MTFR2: variants seen among roughly 807,000 people sequenced by gnomAD.
The protein encoded by MTFR2 is mitochondrial fission regulator 2, also known as DUF729 domain-containing protein 1.
Under a neutral mutation model 41.2 loss-of-function variants are expected in MTFR2, and 44 were observed. That is an observed-to-expected ratio of 1.07 (90% CI 0.84 to 1.37). The LOEUF is 1.37. Ranked by LOEUF, MTFR2 falls within the 40% of genes most tolerant of loss-of-function variation. The pLI is 0.00. For missense variants in MTFR2, 452 were observed against 459.5 expected (o/e 0.98, Z 0.15); for synonymous variants, 141 against 154.6 (o/e 0.91, Z 0.65).
chr6:136,232,459 G>A (rs182375551), intron 7 of MTFR2, among the ~76,000 whole-genome samples: 13 of 152,136 alleles, frequency 8.5e-5, no homozygotes, highest in Admixed American at 2.0e-4. Flanking sequence ...AGGTTTCACC[G>A]TGTTGGTCAG....
At chr6:136,247,591 C>T (rs761844715) in intron 2 of MTFR2, 13 of 454,202 alleles carry the variant, frequency 2.9e-5, no homozygotes, top group South Asian at 9.3e-5. Context: ...TTCCATCCTG[C>T]GGCCCCTTCA....
intron 2 of MTFR2, among the ~76,000 whole-genome samples, chr6:136,248,500 A>C (rs1780277042): frequency 6.6e-6 from 1 of 152,184 alleles, no homozygotes; most frequent in Non-Finnish European, 1.5e-5. Flanking sequence ...ACCATGTAAA[A>C]TGTGACTTTG....
chr6:136,240,184 T>A (rs937875906), intron 5 of MTFR2, among the ~76,000 whole-genome samples: 6 of 152,232 alleles, frequency 3.9e-5, no homozygotes, highest in Non-Finnish European at 7.3e-5. Flanking sequence ...CACAAATTGA[T>A]GTATTCACTG....
rs958782352 is a variant in MTFR2 at position 136,250,222 on chromosome 6, A to C, written c.-301T>G. The stretch of plus-strand genomic sequence containing the variant: ...CCTCACGCTCAGCCAGGGTAATGTT[A>C]TGGGAAGCGCGCCCCCGTCCTCCTG... On this transcript the variant is annotated 5_prime_UTR_variant, in exon 1 of 8. Transcript: ENST00000420702. 1.3e-5 allele frequency: 2 copies of C among 152,888 alleles called. No homozygotes were observed. Among genetic ancestry groups the C allele is most frequent in the Admixed American group, 1.3e-4 (2 of 15,280 alleles). 9.5% of individuals were successfully genotyped at this position (152,888 alleles called of 1,614,324 possible). A position where few individuals can be genotyped will look rare whatever the true frequency, so the allele number is the denominator to read the frequency against.
chr6:136,243,069 A>C, intron 3 of MTFR2, 96 bp from the exon 4 acceptor site: 1 of 688,376 alleles, frequency 1.5e-6, no homozygotes, highest in South Asian at 2.6e-5. Context: ...ATCCAAAAGA[A>C]AGAAAAATAA....
At chr6:136,248,876 A>C (rs1418097047) in intron 2 of MTFR2, 161 bp downstream of exon 2, 2 of 605,600 alleles carry the variant, frequency 3.3e-6, no homozygotes, top group Non-Finnish European at 5.6e-6. Context: ...TCCCTCTTCT[A>C]ACTCAAATCA....
chr6:136,244,643 T>C lies in MTFR2; in HGVS notation c.168+122A>G, dbSNP rs192921741. The C allele has an allele frequency of 5.2e-5, 35 of 668,786 alleles. No homozygotes were observed. The African/African-American group carries it at 6.6e-4, about 13-fold the overall frequency. 41.4% of individuals were successfully genotyped at this position (668,786 alleles called of 1,614,324 possible). On this transcript the variant is annotated intron_variant, in intron 3 of 7. Transcript: ENST00000420702. ...ATATGAAATGGCTTGTTCCCAAGGG[T>C]AAACTACAGGTTTTTGGCTTGCAGG...
At chr6:136,243,040 G>A in intron 3 of MTFR2, 67 bp from the exon 4 acceptor site, 4 of 967,802 alleles carry the variant, frequency 4.1e-6, no homozygotes, top group South Asian at 1.7e-5. Context: ...CATGCCCCAT[G>A]GTATTAAATT....
At position 136,242,914 on chromosome 6, in the gene MTFR2, A is replaced by G; in HGVS notation, c.228T>C (p.Phe76=). Residue 76 remains phenylalanine, a synonymous_variant, in exon 4 of 8, where the codon TTT becomes TTC. Coordinates refer to ENST00000420702, the MANE Select transcript of MTFR2 (RefSeq NM_001099286.3). The part of the protein sequence containing the change: ...SDNCGSMVPS[F]ADILYVANDE... The stretch of plus-strand genomic sequence containing the variant: ...CATTTGCCACATACAAAATATCAGC[A>G]AAAGATGGAACCATAGATCCACAAT... The G allele has an allele frequency of 6.2e-7, 1 of 1,613,426 alleles. No individual in the cohort carries two copies.
rs553490938 is a variant in MTFR2, at chr6:136,231,234, G to A, written c.*41C>T. ...TTTCTAAGAATAATTTATCATCCAG[G>A]AAGAAGTTTTGGAAGTTTAAAGCTC... On this transcript the variant is annotated 3_prime_UTR_variant, in exon 8 of 8. Coordinates refer to ENST00000420702, the MANE Select transcript of MTFR2 (RefSeq NM_001099286.3). 153 of 1,249,894 alleles carry A rather than the reference G, an allele frequency of 1.2e-4. 1 individual carries two copies. In the South Asian group the frequency reaches 1.9e-3, roughly 15 times the overall value. 77.4% of individuals were successfully genotyped at this position (1,249,894 alleles called of 1,614,324 possible).
chr6:136,247,257 A>T (rs960880991), intron 2 of MTFR2, among the ~76,000 whole-genome samples: 6 of 152,170 alleles, frequency 3.9e-5, no homozygotes, highest in African/African-American at 1.4e-4. Context: ...AGGCTGGGGC[A>T]GGAGAATCAC....
chr6:136,249,183 C>T, intron 1 of MTFR2, 30 bp from the exon 2 acceptor site: 5 of 1,133,766 alleles, frequency 4.4e-6, no homozygotes, highest in Non-Finnish European at 6.2e-6. Context: ...AAATGTTACT[C>T]TTGACAAATA....
At chr6:136,249,917 C>T (rs1319642716) in intron 1 of MTFR2, 59 bp downstream of exon 1, 1 of 152,190 alleles carries the variant, frequency 6.6e-6, no homozygotes, top group African/African-American at 2.4e-5. Context: ...GATCGCGTCC[C>T]TCGCTTTGGT....
At chr6:136,246,456 T>C (rs1488991476) in intron 2 of MTFR2, among the ~76,000 whole-genome samples, 1 of 152,128 alleles carries the variant, frequency 6.6e-6, no homozygotes, top group East Asian at 1.9e-4. Context: ...TTAATTTTTA[T>C]ATTTTTTATA....
At chr6:136,241,384 T>C in intron 5 of MTFR2, 60 bp downstream of exon 5, 1 of 1,314,098 alleles carries the variant, frequency 7.6e-7, no homozygotes, top group East Asian at 2.4e-5. Flanking sequence ...GCTGTACAGG[T>C]TGGTATAGGC....
At chr6:136,244,641 G>C (rs1780168166) in intron 3 of MTFR2, 124 bp downstream of exon 3, 1 of 665,668 alleles carries the variant, frequency 1.5e-6, no homozygotes, top group Non-Finnish European at 2.6e-6. Context: ...TGTTCCCAAG[G>C]GTAAACTACA....
chr6:136,242,779 AG>A lies in MTFR2; in HGVS notation c.281+81del, dbSNP rs1366996711. The A allele has an allele frequency of 4.9e-6, 5 of 1,025,880 alleles. No individual in the cohort carries two copies. The African/African-American group carries it at 8.1e-5, about 17-fold the overall frequency. The allele number at this position is 1,025,880 out of a possible 1,614,324, so 63.5% of individuals were successfully genotyped here. On this transcript the variant is annotated intron_variant, in intron 4 of 7. Coordinates refer to ENST00000420702, the MANE Select transcript of MTFR2 (RefSeq NM_001099286.3). ...AGTTTGAAGATAAACAAAACAAAAA[AG>A]CTCAATCAATCTTAACAAGCTTCGA...
chr6:136,236,336 A>ATG lies in MTFR2; in HGVS notation c.870-2839_870-2838dup, dbSNP rs1215208073. 5.3e-5 allele frequency among the ~76,000 whole-genome samples: 8 copies of ATG among 152,104 alleles called. No individual in the cohort carries two copies. The East Asian group carries it at 1.6e-3, about 30-fold the overall frequency. ...CAAAGGAAGAGCCTGGCCATGAATG[A>ATG]TGACACTTGGCTCCCAACAGCAAGA... On this transcript the variant is annotated intron_variant, in intron 6 of 7. Coordinates refer to ENST00000420702, the MANE Select transcript of MTFR2 (RefSeq NM_001099286.3).
In MTFR2 at chr6:136,239,835, G is replaced by C; in HGVS notation, c.515-15C>G. Reference sequence around the variant, plus strand: ...GCCAAAGGAACCTACAAACAAAGTGGTTTATTACAAAATCATGCACAATTA... The same window carrying C: ...GCCAAAGGAACCTACAAACAAAGTGCTTTATTACAAAATCATGCACAATTA... On this transcript the variant is annotated splice_polypyrimidine_tract_variant and intron_variant, in intron 5 of 7. Coordinates refer to ENST00000420702, the MANE Select transcript of MTFR2 (RefSeq NM_001099286.3). 1 of 1,579,646 alleles carries C rather than the reference G, an allele frequency of 6.3e-7. No individual in the cohort carries two copies. The highest frequency in any genetic ancestry group is 8.6e-7 in the Non-Finnish European group (1 of 1,162,180).
Sources: allele counts gnomAD v4.1 joint callset (sites outside exome capture counted in the v4.1 genomes callset), GRCh38; gene constraint gnomAD v4.1.1; transcripts MANE v1.5; gene names NCBI Gene and HGNC (gene_info 2026-07-23, HGNC 2026-07-21).